Variants in UPF2 observed in about 807,000 individuals in gnomAD.
UPF2 encodes UPF2 regulator of nonsense mediated mRNA decay.
A neutral mutation model predicts 141.4 loss-of-function variants in UPF2; 17 were observed. The ratio of observed to expected loss-of-function variants is 0.12; its 90% CI spans 0.08 to 0.18. UPF2 has a LOEUF of 0.18. Among genes scored for constraint, UPF2 ranks in the 10% least tolerant of loss-of-function variants. The probability of loss-of-function intolerance (pLI) is 1.00; values close to 1 mark genes in which losing one functional copy is unlikely to be tolerated. For missense variants in UPF2, 1,152 were observed against 1,515.9 expected (o/e 0.76, Z 3.99); for synonymous variants, 540 against 498.0 (o/e 1.08, Z -1.12).
intron 8 of UPF2, among the ~76,000 whole-genome samples, chr10:11,982,733 G>A (rs1251413449): frequency 6.6e-6 from 1 of 151,982 alleles, no homozygotes; most frequent in Non-Finnish European, 1.5e-5. Context: ...CGATTCTCCT[G>A]CCTCAGCCTC....
intron 8 of UPF2, among the ~76,000 whole-genome samples, chr10:11,985,947 C>T (rs890286290): frequency 5.5e-5 from 7 of 126,364 alleles, no homozygotes; most frequent in African/African-American, 1.3e-4. Context: ...TGCAGTGGCA[C>T]GATCCCCACT....
At chr10:11,957,422 C>G (rs1833170271) in intron 12 of UPF2, among the ~76,000 whole-genome samples, 1 of 151,804 alleles carries the variant, frequency 6.6e-6, no homozygotes, top group African/African-American at 2.4e-5. Flanking sequence ...GAGCGAGACT[C>G]CATCTCAAAC....
rs1327217940 is a variant in UPF2 at position 12,014,498 on chromosome 10, TAG to T, written c.1146-316_1146-315del. ...ATTACAGTCACACTCTTCTCAGATATAGAGTTAACCAAAACTAGCACAACTAC... is the reference window on the plus strand; with the variant it reads ...ATTACAGTCACACTCTTCTCAGATATAGTTAACCAAAACTAGCACAACTAC... On this transcript the variant is annotated intron_variant, in intron 3 of 21. Transcript: ENST00000357604. The surrounding 1 kb of genome is among the most constrained non-coding windows in gnomAD (Gnocchi z 5.0). Among the ~76,000 whole-genome samples the T allele has an allele frequency of 2.6e-5, 4 of 152,184 alleles. No homozygotes were observed. Among genetic ancestry groups the T allele is most frequent in the African/African-American group, 9.7e-5 (4 of 41,442 alleles).
At chr10:11,948,238 ACT>A in intron 16 of UPF2, 129 bp downstream of exon 16, 3 of 947,452 alleles carry the variant, frequency 3.2e-6, no homozygotes, top group Admixed American at 3.4e-5. Context: ...ACAGAGCAAG[ACT>A]CTGTCTCAAA....
At chr10:12,026,072 G>T (rs943645302) in intron 3 of UPF2, among the ~76,000 whole-genome samples, 2 of 152,142 alleles carry the variant, frequency 1.3e-5, no homozygotes, top group African/African-American at 4.8e-5. Flanking sequence ...GACATTACAG[G>T]CGTGAGCCAC....
In UPF2 at chr10:12,014,911, GC is replaced by G. The variant is rs1834191528; in HGVS notation, c.1146-728del. ...AATACTGAGAAGTCCACTCACTCAG[GC>G]CAGCCCTTATCAAGGAACTAAGGAC... On this transcript the variant is annotated intron_variant, in intron 3 of 21. Transcript: ENST00000357604. The surrounding 1 kb of genome is among the most constrained non-coding windows in gnomAD (Gnocchi z 5.0). Among the ~76,000 whole-genome samples, 1 of 152,138 alleles carries G rather than the reference GC, an allele frequency of 6.6e-6. No homozygotes were observed. The highest frequency in any genetic ancestry group is 1.5e-5 in the Non-Finnish European group (1 of 68,028).
intron 4 of UPF2, among the ~76,000 whole-genome samples, chr10:12,008,499 A>G (rs2131276674): frequency 6.6e-6 from 1 of 151,832 alleles, no homozygotes; most frequent in African/African-American, 2.4e-5. Flanking sequence ...GCATGGTGAC[A>G]CATGCCTGTA....
At chr10:11,944,717 T>C (rs1257165682) in intron 16 of UPF2, among the ~76,000 whole-genome samples, 1 of 152,224 alleles carries the variant, frequency 6.6e-6, no homozygotes, top group African/African-American at 2.4e-5. Flanking sequence ...TTACGTTTCA[T>C]ATTACTCAGG....
At position 12,016,316 on chromosome 10, in the gene UPF2, A is replaced by C. The variant is rs992219189; in HGVS notation, c.1146-2132T>G. Among the ~76,000 whole-genome samples the C allele has an allele frequency of 6.6e-6, 1 of 152,164 alleles. No individual in the cohort carries two copies. The highest frequency in any genetic ancestry group is 1.5e-5 in the Non-Finnish European group (1 of 68,022). On this transcript the variant is annotated intron_variant, in intron 3 of 21. Coordinates refer to ENST00000357604, the MANE Select transcript of UPF2 (RefSeq NM_015542.4). The surrounding 1 kb of genome is among the most constrained non-coding windows in gnomAD (Gnocchi z 4.1). The stretch of plus-strand genomic sequence containing the variant: ...TGGCCTCAAGCAATCCTCCCACCTC[A>C]AACTCCCAAAATGTTGGGATTACAG...
At chr10:12,026,427 G>GA (rs1387665416) in intron 3 of UPF2, among the ~76,000 whole-genome samples, 1 of 152,122 alleles carries the variant, frequency 6.6e-6, no homozygotes, top group African/African-American at 2.4e-5. Context: ...GGAGCAAACT[G>GA]AAAGAACTGG....
Position 11,948,394 on chromosome 10 carries a change from C to G in UPF2, c.3149G>C (p.Ser1050Thr). Residue 1050 changes from serine to threonine, a missense_variant, in exon 16 of 22, where the codon AGT (serine) becomes ACT (threonine). By Grantham distance (58) the Ser-to-Thr change is moderately conservative. Around this residue, in one of 4 missense-constraint regions of UPF2, gnomAD observed 202 missense variants for 223.6 expected, o/e 0.90. Coordinates refer to ENST00000357604, the MANE Select transcript of UPF2 (RefSeq NM_015542.4). ...AETEEQSGNESEVNEPEEEEG... is the reference protein window; with the variant it reads ...AETEEQSGNETEVNEPEEEEG... Reference sequence around the variant, plus strand: ...CTCTTCTTCTGGCTCATTTACTTCACTTTCATTTCCAGATTGTTCTTCTGT... The same window carrying G: ...CTCTTCTTCTGGCTCATTTACTTCAGTTTCATTTCCAGATTGTTCTTCTGT... The G allele has an allele frequency of 6.2e-7, 1 of 1,600,350 alleles. No individual in the cohort carries two copies. Among genetic ancestry groups the G allele is most frequent in the Non-Finnish European group, 8.5e-7 (1 of 1,172,104 alleles).
intron 1 of UPF2, among the ~76,000 whole-genome samples, chr10:12,038,442 A>G (rs2131321061): frequency 6.7e-6 from 1 of 149,802 alleles, no homozygotes; most frequent in East Asian, 2.0e-4. Flanking sequence ...ATATATGAAA[A>G]AGCAGGCTGG....
chr10:11,996,136 A>G (rs962441869), intron 8 of UPF2, among the ~76,000 whole-genome samples: 2 of 152,200 alleles, frequency 1.3e-5, no homozygotes, highest in African/African-American at 4.8e-5. Flanking sequence ...TATCTCCAGC[A>G]TGGATCACAG....
chr10:11,922,093 A>G (rs1002440126), intron 21 of UPF2, among the ~76,000 whole-genome samples: 1 of 152,150 alleles, frequency 6.6e-6, no homozygotes, highest in African/African-American at 2.4e-5. Context: ...AGGGTGAGGT[A>G]TGACAAGGTA....
At chr10:11,937,864 G>A (rs992283877) in intron 18 of UPF2, among the ~76,000 whole-genome samples, 6 of 151,996 alleles carry the variant, frequency 3.9e-5, no homozygotes, top group East Asian at 1.9e-4. Flanking sequence ...TCCCAGGTTC[G>A]TAAGATTTAT....
Position 11,931,780 on chromosome 10 carries a change from A to C in UPF2, c.3549T>G (p.Phe1183Leu). 1.3e-6 allele frequency: 2 copies of C among 1,589,536 alleles called. No individual in the cohort carries two copies. Among genetic ancestry groups the C allele is most frequent in the Middle Eastern group, 3.4e-4 (2 of 5,948 alleles). Reference protein sequence around the residue: ...MLTRKGNKQQFKILNVPMSSQ... With the variant: ...MLTRKGNKQQLKILNVPMSSQ... ...AGGACATGGGTACATTAAGGATCTT[A>C]AACTGGGAGAAAATAACAAAGGAGT... The change falls in exon 20 of 22, where the codon TTT (phenylalanine) becomes TTG (leucine). Residue 1183 changes from phenylalanine to leucine, a missense_variant and splice_region_variant. This residue lies in a region of UPF2 where 66 missense variants were observed against 123.5 expected (regional missense o/e 0.53). Coordinates refer to ENST00000357604, the MANE Select transcript of UPF2 (RefSeq NM_015542.4). This position sits in a 1 kb window ranked among gnomAD's most constrained non-coding sequence, Gnocchi z 5.9.
At chr10:11,937,554 C>T (rs1369984237) in intron 18 of UPF2, among the ~76,000 whole-genome samples, 2 of 152,090 alleles carry the variant, frequency 1.3e-5, no homozygotes, top group Non-Finnish European at 2.9e-5. Context: ...TTGGGGAATG[C>T]GGAGGGAATC....
At chr10:12,033,501 C>G (rs941048598) in intron 2 of UPF2, among the ~76,000 whole-genome samples, 1 of 152,144 alleles carries the variant, frequency 6.6e-6, no homozygotes, top group African/African-American at 2.4e-5. Context: ...CCACTACACT[C>G]CAGCCTGGCT....
Position 11,936,582 on chromosome 10 carries a change from G to C in UPF2, c.3509C>G (p.Pro1170Arg). 6.2e-7 allele frequency: 1 copy of C among 1,609,124 alleles called. No individual in the cohort carries two copies. Among genetic ancestry groups the C allele is most frequent in the Non-Finnish European group, 8.5e-7 (1 of 1,178,348 alleles). ...GCCTTTTCTTGTTAACATGACAAAC[G>C]GCATTGTGTCTGCAGACTCAGCCTC... ...EGEAESADTM[P>R]FVMLTRKGNK... is the part of the protein sequence containing the mutation. The change falls in exon 19 of 22, where the codon CCG becomes CGG. Residue 1170 changes from proline to arginine, a missense_variant. Pro to Arg is a moderately radical substitution (Grantham distance 103). Around this residue, in one of 4 missense-constraint regions of UPF2, gnomAD observed 202 missense variants for 223.6 expected, o/e 0.90. Transcript: ENST00000357604. The surrounding 1 kb of genome is among the most constrained non-coding windows in gnomAD (Gnocchi z 6.6).
Sources: gnomAD v4.1 joint callset for allele counts (sites outside exome capture counted in the v4.1 genomes callset) on GRCh38, gnomAD v4.1.1 for gene constraint, gnomAD v4.1.1 regional missense constraint, Gnocchi (gnomAD v3.1) non-coding constraint, MANE v1.5 for transcripts, NCBI Gene and HGNC (gene_info 2026-07-23, HGNC 2026-07-21) for gene names.